Variants in KCNH7 observed in about 807,000 individuals in gnomAD.
The protein encoded by KCNH7 is voltage-gated inwardly rectifying potassium channel KCNH7.
In KCNH7, 49 loss-of-function variants were observed where a neutral mutation model predicts 120.8. The observed-to-expected ratio is 0.41, with a 90% CI of 0.32 to 0.51. The LOEUF is 0.51. Ranked by LOEUF, KCNH7 falls within the 20% of genes least tolerant of loss-of-function variation. The pLI, the probability that KCNH7 is intolerant of heterozygous loss-of-function variation, is 0.38. For synonymous variants in KCNH7, 547 were observed against 516.1 expected (o/e 1.06, Z -0.81); for missense variants, 1,097 against 1,446.6 (o/e 0.76, Z 3.92).
chr2:162,434,184 A>G (rs1483350667), intron 8 of KCNH7, among the ~76,000 whole-genome samples: 1 of 152,108 alleles, frequency 6.6e-6, no homozygotes, highest in African/African-American at 2.4e-5. Context: ...AGCATTACGT[A>G]CGCATGGACA....
intron 2 of KCNH7, among the ~76,000 whole-genome samples, chr2:162,770,016 C>T (rs996169879): frequency 6.6e-6 from 1 of 151,998 alleles, no homozygotes; most frequent in African/African-American, 2.4e-5. Context: ...CACCATTTGT[C>T]CAACTAGGAG....
chr2:162,536,339 G>A (rs77231802), intron 3 of KCNH7, among the ~76,000 whole-genome samples: 2,501 of 151,968 alleles, frequency 0.016, 69 homozygotes, highest in East Asian at 0.095. Flanking sequence ...TAAATATATG[G>A]ACCTTACTCA....
chr2:162,550,510 A>G (rs1692633021), intron 2 of KCNH7, among the ~76,000 whole-genome samples: 1 of 152,108 alleles, frequency 6.6e-6, no homozygotes, highest in African/African-American at 2.4e-5. Flanking sequence ...TGAGGTTTGT[A>G]GATACTGTCA....
intron 6 of KCNH7, among the ~76,000 whole-genome samples, chr2:162,472,746 C>G (rs909200596): frequency 9.2e-5 from 14 of 152,170 alleles, no homozygotes; most frequent in African/African-American, 3.4e-4. Context: ...TGGGTATACA[C>G]CCAAAGGATT....
intron 6 of KCNH7, among the ~76,000 whole-genome samples, chr2:162,480,459 T>A (rs34777723): frequency 0.19 from 28,864 of 152,116 alleles, 2,908 homozygotes; most frequent in East Asian, 0.4. Flanking sequence ...ATCTAAAGCA[T>A]ATCTTTCCTT....
intron 2 of KCNH7, among the ~76,000 whole-genome samples, chr2:162,557,628 T>C (rs1467324250): frequency 6.6e-6 from 1 of 152,182 alleles, no homozygotes; most frequent in Non-Finnish European, 1.5e-5. Context: ...AAACAATATA[T>C]GATGTCATTA....
chr2:162,697,280 G>A (rs1686327656), intron 2 of KCNH7, among the ~76,000 whole-genome samples: 1 of 152,110 alleles, frequency 6.6e-6, no homozygotes, highest in South Asian at 2.1e-4. Flanking sequence ...AGAGTACAGA[G>A]AATCATGTTG....
chr2:162,674,577 T>C (rs1296961516), intron 2 of KCNH7, among the ~76,000 whole-genome samples: 6 of 151,638 alleles, frequency 4.0e-5, no homozygotes, highest in Non-Finnish European at 8.9e-5. Context: ...AGGGGATCTA[T>C]CCAAGAGATA....
intron 2 of KCNH7, among the ~76,000 whole-genome samples, chr2:162,779,269 C>T (rs920814392): frequency 5.9e-5 from 9 of 151,902 alleles, no homozygotes; most frequent in African/African-American, 2.2e-4. Flanking sequence ...GGCGTAATCT[C>T]GGCTCACTGC....
Position 162,394,371 on chromosome 2 carries a change from A to G in KCNH7, c.2710+18T>C. On this transcript the variant is annotated intron_variant, in intron 12 of 15. Coordinates refer to ENST00000332142, the MANE Select transcript of KCNH7 (RefSeq NM_033272.4). ...ACCACATGCTCTACATTTAAACTTT[A>G]GGAATGGAATGAATTACCTTTCTCT... 4.4e-6 allele frequency: 6 copies of G among 1,353,770 alleles called. No individual in the cohort carries two copies. The highest frequency in any genetic ancestry group is 5.3e-6 in the Non-Finnish European group (5 of 944,238). 83.9% of individuals were successfully genotyped at this position (1,353,770 alleles called of 1,614,324 possible).
intron 2 of KCNH7, among the ~76,000 whole-genome samples, chr2:162,682,443 C>T (rs998315779): frequency 4.7e-5 from 7 of 148,488 alleles, no homozygotes; most frequent in African/African-American, 1.0e-4. Flanking sequence ...GAGAGAGAGA[C>T]TATAAAAATT....
At chr2:162,749,487 A>G (rs1289551750) in intron 2 of KCNH7, among the ~76,000 whole-genome samples, 2 of 152,200 alleles carry the variant, frequency 1.3e-5, no homozygotes, top group Non-Finnish European at 2.9e-5. Context: ...ACATAATAAA[A>G]ATAATACATA....
intron 2 of KCNH7, among the ~76,000 whole-genome samples, chr2:162,646,785 A>C (rs1684373615): frequency 6.6e-6 from 1 of 152,190 alleles, no homozygotes; most frequent in Admixed American, 6.5e-5. Flanking sequence ...GCAAGGGACT[A>C]GATGCTGCCA....
chr2:162,790,027 T>C (rs949428120), intron 2 of KCNH7, among the ~76,000 whole-genome samples: 1 of 150,896 alleles, frequency 6.6e-6, no homozygotes, highest in Admixed American at 6.6e-5. Context: ...TAGAGAACAA[T>C]AGATAAGATC....
rs571168180 is a variant in KCNH7, at chr2:162,631,328, T to C, written c.308-94248A>G. Reference sequence around the variant, plus strand: ...TTTCTGTACATTGAGGCAAATTGCATTTTTTCCCTGTGTCTCTGGGTATTT... The same window carrying C: ...TTTCTGTACATTGAGGCAAATTGCACTTTTTCCCTGTGTCTCTGGGTATTT... On this transcript the variant is annotated intron_variant, in intron 2 of 15. Transcript: ENST00000332142. 3.3e-5 allele frequency among the ~76,000 whole-genome samples: 5 copies of C among 152,164 alleles called. No individual in the cohort carries two copies. The South Asian group carries it at 1.0e-3, about 32-fold the overall frequency.
At chr2:162,552,830 G>A (rs774058426) in intron 2 of KCNH7, among the ~76,000 whole-genome samples, 1 of 152,150 alleles carries the variant, frequency 6.6e-6, no homozygotes. Flanking sequence ...TATGACCATG[G>A]AAAATGGATT....
At chr2:162,604,297 T>C (rs562205900) in intron 2 of KCNH7, among the ~76,000 whole-genome samples, 100 of 152,254 alleles carry the variant, frequency 6.6e-4, no homozygotes, top group African/African-American at 2.2e-3. Context: ...CTTTGTGCTT[T>C]TATTATTTGG....
chr2:162,616,378 A>G (rs1683139406), intron 2 of KCNH7, among the ~76,000 whole-genome samples: 1 of 152,200 alleles, frequency 6.6e-6, no homozygotes. Flanking sequence ...AATAAATCAC[A>G]CGATTAATGT....
At chr2:162,787,302 G>A (rs1479762855) in intron 2 of KCNH7, among the ~76,000 whole-genome samples, 1 of 152,188 alleles carries the variant, frequency 6.6e-6, no homozygotes, top group Admixed American at 6.5e-5. Flanking sequence ...TCACCTTAGT[G>A]TCAAGCTGGC....
Sources: gnomAD v4.1 joint callset for allele counts (sites outside exome capture counted in the v4.1 genomes callset) on GRCh38, gnomAD v4.1.1 for gene constraint, MANE v1.5 for transcripts, NCBI Gene and HGNC (gene_info 2026-07-23, HGNC 2026-07-21) for gene names.